PTCHD4: variants seen among roughly 807,000 people sequenced by gnomAD.
PTCHD4 encodes the protein patched domain-containing protein 4.
Under a neutral mutation model 58.1 loss-of-function variants are expected in PTCHD4, and 33 were observed. The ratio of observed to expected loss-of-function variants is 0.57; its 90% CI spans 0.43 to 0.76. The LOEUF (loss-of-function observed/expected upper bound fraction) is 0.76, where lower values mean the gene tolerates loss of function less well. Ranked by LOEUF, PTCHD4 falls within the 30% of genes least tolerant of loss-of-function variation. The pLI is 0.00. For missense variants in PTCHD4, 1,058 were observed against 1,027.1 expected (o/e 1.03, Z -0.41); for synonymous variants, 478 against 409.6 (o/e 1.17, Z -2.02).
At chr6:48,015,946 A>G (rs1292309790) in intron 3 of PTCHD4, among the ~76,000 whole-genome samples, 1 of 151,950 alleles carries the variant, frequency 6.6e-6, no homozygotes. Context: ...GACCAGGACA[A>G]GTAGGAGACA....
chr6:47,891,291 G>A (rs1462989946), intron 4 of PTCHD4, among the ~76,000 whole-genome samples: 2 of 150,382 alleles, frequency 1.3e-5, no homozygotes, highest in African/African-American at 2.4e-5. Flanking sequence ...CTGTCAAGTA[G>A]GCCATGGTGC....
chr6:47,943,730 G>T (rs1281255186), intron 4 of PTCHD4, among the ~76,000 whole-genome samples: 1 of 151,988 alleles, frequency 6.6e-6, no homozygotes, highest in Non-Finnish European at 1.5e-5. Context: ...TAGAAAGAGA[G>T]TTATTGTAAA....
intron 3 of PTCHD4, among the ~76,000 whole-genome samples, chr6:48,061,155 A>T (rs1298111887): frequency 6.6e-6 from 1 of 152,222 alleles, no homozygotes; most frequent in Non-Finnish European, 1.5e-5. Flanking sequence ...CTAAGGTTTA[A>T]TGCTGCCACT....
chr6:48,032,654 T>C (rs148559767), intron 3 of PTCHD4, among the ~76,000 whole-genome samples: 349 of 152,284 alleles, frequency 2.3e-3, no homozygotes, highest in African/African-American at 7.1e-3. Context: ...TGTTTTTAAG[T>C]TGTTCAATAA....
At chr6:48,101,599 C>T (rs921571999) in intron 1 of PTCHD4, among the ~76,000 whole-genome samples, 2 of 152,158 alleles carry the variant, frequency 1.3e-5, no homozygotes, top group African/African-American at 4.8e-5. Flanking sequence ...CCCCTTTTCC[C>T]TGTTCAGGTA....
At chr6:47,908,164 C>A (rs1764959343) in intron 4 of PTCHD4, among the ~76,000 whole-genome samples, 1 of 151,958 alleles carries the variant, frequency 6.6e-6, no homozygotes, top group South Asian at 2.1e-4. Flanking sequence ...GGAACCATAG[C>A]CCCAAAAGGC....
chr6:48,008,810 A>G lies in PTCHD4; in HGVS notation c.722T>C (p.Ile241Thr). 1.2e-6 allele frequency: 2 copies of G among 1,614,016 alleles called. No individual in the cohort carries two copies. The highest frequency in any genetic ancestry group is 1.7e-6 in the Non-Finnish European group (2 of 1,179,902). ...RSKVLVSLVL[I>T]LTTATLSSSM... ...GCTGGAGAGGGTGGCTGTGGTCAGG[A>G]TCAGCACGAGGCTCACCAGGACCTT... is the stretch of plus-strand genomic sequence containing the variant. Residue 241 changes from isoleucine (I) to threonine (T), a missense_variant, in exon 4 of 5, where the codon ATC (isoleucine) becomes ACC (threonine). Coordinates refer to ENST00000339488, the MANE Select transcript of PTCHD4 (RefSeq NM_001384253.1).
chr6:47,956,595 G>A (rs1372547717), intron 4 of PTCHD4, among the ~76,000 whole-genome samples: 4 of 151,790 alleles, frequency 2.6e-5, no homozygotes, highest in East Asian at 2.0e-4. Flanking sequence ...CACCACGCCC[G>A]GCTAATTTTT....
chr6:48,015,042 T>G (rs1762820262), intron 3 of PTCHD4, among the ~76,000 whole-genome samples: 1 of 152,120 alleles, frequency 6.6e-6, no homozygotes, highest in African/African-American at 2.4e-5. Flanking sequence ...TGATTCAACT[T>G]CTTCTTTTCC....
In PTCHD4 at chr6:48,011,563, G is replaced by A. The variant is rs568755432; in HGVS notation, c.418-2449C>T. On this transcript the variant is annotated intron_variant, in intron 3 of 4. Transcript: ENST00000339488. ...TGATAGTTTCTTTTGCTGTGCAGAA[G>A]CCCTTTAGTTTAATTAGATCCCATT... Among the ~76,000 whole-genome samples the A allele has an allele frequency of 3.2e-4, 48 of 152,258 alleles. 2 individuals are homozygous for A. The highest frequency in any genetic ancestry group is 2.9e-3 in the East Asian group (15 of 5,184).
intron 1 of PTCHD4, among the ~76,000 whole-genome samples, chr6:48,095,744 A>AAAAC (rs1554182424): frequency 1.1e-3 from 170 of 151,992 alleles, no homozygotes; most frequent in African/African-American, 3.6e-3. Context: ...AAAAAAAAAA[A>AAAAC]AAACAAATAT....
intron 4 of PTCHD4, among the ~76,000 whole-genome samples, chr6:47,938,514 C>T (rs1292229907): frequency 6.6e-6 from 1 of 152,166 alleles, no homozygotes; most frequent in Admixed American, 6.5e-5. Flanking sequence ...CTTCTGTTTT[C>T]TCAGTGAAAT....
chr6:47,990,956 C>A (rs1372538233), intron 4 of PTCHD4, among the ~76,000 whole-genome samples: 1 of 151,670 alleles, frequency 6.6e-6, no homozygotes, highest in Non-Finnish European at 1.5e-5. Context: ...GCAAACTGTT[C>A]TATCAGATGG....
intron 4 of PTCHD4, among the ~76,000 whole-genome samples, chr6:48,006,935 C>G (rs896570464): frequency 2.0e-5 from 3 of 152,142 alleles, no homozygotes; most frequent in African/African-American, 7.2e-5. Flanking sequence ...TGAGAAAAAA[C>G]TGAGGTTTAA....
intron 1 of PTCHD4, among the ~76,000 whole-genome samples, chr6:48,105,584 A>G (rs926240523): frequency 2.0e-5 from 3 of 152,228 alleles, no homozygotes; most frequent in Non-Finnish European, 4.4e-5. Context: ...GCAGAAGGCA[A>G]GAAATAACTA....
At chr6:47,886,119 ATTTT>A (rs34214628) in intron 4 of PTCHD4, among the ~76,000 whole-genome samples, 1 of 145,908 alleles carries the variant, frequency 6.9e-6, no homozygotes, top group Non-Finnish European at 1.5e-5. Context: ...CGATGGCAAG[ATTTT>A]TTTTTTTTTT....
chr6:47,963,128 C>CA lies in PTCHD4; in HGVS notation c.898+45505dup, dbSNP rs531882763. On this transcript the variant is annotated intron_variant, in intron 4 of 4. Coordinates refer to ENST00000339488, the MANE Select transcript of PTCHD4 (RefSeq NM_001384253.1). Reference sequence around the variant, plus strand: ...TGAGCGACAGAGCAAGACTCCATCTCAAAAAAATAAATAAGTAAATAAATA... The same window carrying CA: ...TGAGCGACAGAGCAAGACTCCATCTCAAAAAAAATAAATAAGTAAATAAATA... 2.7e-4 allele frequency among the ~76,000 whole-genome samples: 40 copies of CA among 149,006 alleles called. No homozygotes were observed. The South Asian group carries it at 7.9e-3, about 29-fold the overall frequency.
intron 4 of PTCHD4, among the ~76,000 whole-genome samples, chr6:48,001,489 A>C (rs374780782): frequency 6.6e-6 from 1 of 152,246 alleles, no homozygotes; most frequent in Admixed American, 6.5e-5. Flanking sequence ...GACAAACGTG[A>C]CAAAAACAAG....
chr6:48,088,836 G>A (rs890475391), intron 1 of PTCHD4, among the ~76,000 whole-genome samples: 7 of 152,114 alleles, frequency 4.6e-5, no homozygotes, highest in African/African-American at 1.7e-4. Context: ...CTGAGGTCAG[G>A]AGTTCGAGAC....
Sources: allele counts gnomAD v4.1 joint callset (sites outside exome capture counted in the v4.1 genomes callset), GRCh38; gene constraint gnomAD v4.1.1; transcripts MANE v1.5; gene names NCBI Gene and HGNC (gene_info 2026-07-23, HGNC 2026-07-21).